The following GLI3 variants were observed in gnomAD, a reference collection of about 807,000 sequenced individuals.
The protein encoded by GLI3 is GLI family zinc finger 3.
A neutral mutation model predicts 100.8 loss-of-function variants in GLI3; 20 were observed. That is an observed-to-expected ratio of 0.20 (90% CI 0.14 to 0.29). The LOEUF is 0.29. Ranked by LOEUF, GLI3 falls within the 10% of genes least tolerant of loss-of-function variation. GLI3 has a pLI of 1.00. For missense variants in GLI3, 2,040 were observed against 2,128.5 expected (o/e 0.96, Z 0.82); for synonymous variants, 938 against 860.5 (o/e 1.09, Z -1.58).
chr7:42,199,944 T>C (rs919212392), intron 2 of GLI3, among the ~76,000 whole-genome samples: 7 of 152,138 alleles, frequency 4.6e-5, no homozygotes, highest in African/African-American at 1.7e-4. Context: ...CAGTCCCAGC[T>C]ACTAGGGAGG....
At chr7:41,974,739 A>T (rs75761503) in intron 12 of GLI3, among the ~76,000 whole-genome samples, 5,817 of 152,354 alleles carry the variant, frequency 0.038, 117 homozygotes, top group Non-Finnish European at 0.053. Flanking sequence ...AAATTAGATC[A>T]TGTACATGAA....
At chr7:42,189,304 C>T (rs953310599) in intron 2 of GLI3, among the ~76,000 whole-genome samples, 1 of 152,122 alleles carries the variant, frequency 6.6e-6, no homozygotes, top group Non-Finnish European at 1.5e-5. Flanking sequence ...GAACATGCAA[C>T]GTACAAAAAT....
chr7:42,144,655 A>C (rs1786658402), intron 3 of GLI3, among the ~76,000 whole-genome samples: 1 of 152,124 alleles, frequency 6.6e-6, no homozygotes, highest in Non-Finnish European at 1.5e-5. Context: ...TAAAAATTTT[A>C]CAGATGTCCT....
At chr7:42,224,880 T>C (rs1562792645) in intron 1 of GLI3, among the ~76,000 whole-genome samples, 1 of 152,340 alleles carries the variant, frequency 6.6e-6, no homozygotes, top group South Asian at 2.1e-4. Context: ...AATCGGGCAG[T>C]GAGATCTGAC....
chr7:42,224,558 G>A (rs947500651), intron 1 of GLI3, among the ~76,000 whole-genome samples: 2 of 152,132 alleles, frequency 1.3e-5, no homozygotes, highest in African/African-American at 4.8e-5. Flanking sequence ...ATTATCCAGT[G>A]TCATTCATTG....
At chr7:42,176,467 C>T (rs1308168756) in intron 2 of GLI3, among the ~76,000 whole-genome samples, 2 of 151,948 alleles carry the variant, frequency 1.3e-5, no homozygotes, top group African/African-American at 4.9e-5. Flanking sequence ...CCTGCCTGTT[C>T]CTTCTGCAGT....
chr7:42,113,420 A>G, intron 3 of GLI3: 1 of 721,174 alleles, frequency 1.4e-6, no homozygotes, highest in South Asian at 1.4e-5. Context: ...AAGGTGAAGG[A>G]TGAACCACAG....
At chr7:42,096,174 C>G (rs1333511284) in intron 3 of GLI3, among the ~76,000 whole-genome samples, 1 of 152,072 alleles carries the variant, frequency 6.6e-6, no homozygotes, top group East Asian at 1.9e-4. Flanking sequence ...TAGAGAAGAC[C>G]CAAGGCCAGA....
intron 13 of GLI3, among the ~76,000 whole-genome samples, chr7:41,968,206 A>C (rs1466347372): frequency 6.6e-6 from 1 of 152,160 alleles, no homozygotes; most frequent in East Asian, 1.9e-4. Flanking sequence ...CCAACTCTGC[A>C]GACATACTTC....
chr7:41,990,805 G>A (rs182710914), intron 10 of GLI3, among the ~76,000 whole-genome samples: 16 of 151,906 alleles, frequency 1.1e-4, no homozygotes, highest in South Asian at 8.3e-4. Flanking sequence ...GCTAAGGGAG[G>A]GTCTTACACG....
At position 42,026,197 on chromosome 7, in the gene GLI3, A is replaced by T. The variant is rs1789107660; in HGVS notation, c.1242+2T>A. ...CCGGGTGCATCGACCTGTCCCTCTC[A>T]CCTGTGAGGACTCAGAAGGGCCGGA... is the stretch of plus-strand genomic sequence containing the variant. On this transcript the variant is annotated splice_donor_variant, in intron 8 of 14. Coordinates refer to ENST00000395925, the MANE Select transcript of GLI3 (RefSeq NM_000168.6). LOFTEE classifies it high-confidence loss of function. The T allele has an allele frequency of 6.8e-6, 11 of 1,608,628 alleles. No homozygotes were observed. Among genetic ancestry groups the T allele is most frequent in the Non-Finnish European group, 9.3e-6 (11 of 1,176,492 alleles).
intron 4 of GLI3, among the ~76,000 whole-genome samples, chr7:42,053,750 C>T (rs1236748841): frequency 6.6e-6 from 1 of 152,146 alleles, no homozygotes; most frequent in Non-Finnish European, 1.5e-5. Flanking sequence ...GAAAGAACAA[C>T]AAACAAACAT....
At chr7:42,181,736 C>G (rs1319578100) in intron 2 of GLI3, among the ~76,000 whole-genome samples, 1 of 152,192 alleles carries the variant, frequency 6.6e-6, no homozygotes, top group Non-Finnish European at 1.5e-5. Context: ...CATTGCCCCA[C>G]ACTACATTCC....
At chr7:42,100,809 CAG>C (rs1785445589) in intron 3 of GLI3, among the ~76,000 whole-genome samples, 2 of 152,072 alleles carry the variant, frequency 1.3e-5, no homozygotes, top group Non-Finnish European at 2.9e-5. Context: ...GGAAGAGAGG[CAG>C]AGAGTGATGC....
chr7:42,148,491 A>G, intron 2 of GLI3, 23 bp from the exon 3 acceptor site: 2 of 1,607,826 alleles, frequency 1.2e-6, no homozygotes, highest in Non-Finnish European at 8.5e-7. Context: ...GAAAAATGAA[A>G]GACTCTGTAA....
chr7:42,205,996 A>G (rs1788143261), intron 2 of GLI3, among the ~76,000 whole-genome samples: 1 of 152,164 alleles, frequency 6.6e-6, no homozygotes, highest in Admixed American at 6.5e-5. Flanking sequence ...GGTTAGGTGC[A>G]GTGGCTCATG....
intron 2 of GLI3, among the ~76,000 whole-genome samples, chr7:42,201,710 T>C (rs980766662): frequency 2.0e-5 from 3 of 152,236 alleles, no homozygotes; most frequent in African/African-American, 7.2e-5. Flanking sequence ...AGCATGTTAC[T>C]ATACTGAGTA....
intron 4 of GLI3, among the ~76,000 whole-genome samples, chr7:42,074,321 A>G (rs1278272997): frequency 6.6e-6 from 1 of 152,220 alleles, no homozygotes; most frequent in African/African-American, 2.4e-5. Flanking sequence ...AAGAACAGGA[A>G]TTCGAGCTCT....
intron 2 of GLI3, among the ~76,000 whole-genome samples, chr7:42,154,471 G>A (rs989884411): frequency 6.6e-6 from 1 of 152,176 alleles, no homozygotes; most frequent in African/African-American, 2.4e-5. Context: ...AAATTGCTTC[G>A]CTGTGTTTGC....
Sources: gnomAD v4.1 joint callset for allele counts (sites outside exome capture counted in the v4.1 genomes callset) on GRCh38, gnomAD v4.1.1 for gene constraint, MANE v1.5 for transcripts, NCBI Gene and HGNC (gene_info 2026-07-23, HGNC 2026-07-21) for gene names.